The following ATP6V0A1 variants were observed in gnomAD, a reference collection of about 807,000 sequenced individuals.
ATP6V0A1 encodes ATPase H+ transporting V0 subunit a1.
A neutral mutation model predicts 105.4 loss-of-function variants in ATP6V0A1; 43 were observed. That is an observed-to-expected ratio of 0.41 (90% CI 0.32 to 0.53). The LOEUF (loss-of-function observed/expected upper bound fraction) is 0.53. Among genes scored for constraint, ATP6V0A1 ranks in the 20% least tolerant of loss-of-function variants. The pLI is 0.30. For synonymous variants in ATP6V0A1, 362 were observed against 372.8 expected (o/e 0.97, Z 0.33); for missense variants, 676 against 1,051.1 (o/e 0.64, Z 4.93).
In ATP6V0A1 at chr17:42,512,900, G is replaced by C. The variant is rs375003757; in HGVS notation, c.2131-961G>C. On this transcript the variant is annotated intron_variant, in intron 19 of 21. Coordinates refer to ENST00000343619, the MANE Select transcript of ATP6V0A1 (RefSeq NM_001130021.3). ...CAGAAGATTCTGGTCTGGGCTCTGC[G>C]GGGGGAAGCCCCATAAGGGAGCGCC... is the stretch of plus-strand genomic sequence containing the variant. Among the ~76,000 whole-genome samples the C allele has an allele frequency of 5.3e-5, 8 of 152,328 alleles. No homozygotes were observed. The South Asian group carries it at 1.7e-3, about 32-fold the overall frequency.
At chr17:42,499,502 G>T (rs2091485244) in intron 15 of ATP6V0A1, among the ~76,000 whole-genome samples, 2 of 151,362 alleles carry the variant, frequency 1.3e-5, no homozygotes, top group Non-Finnish European at 2.9e-5. Context: ...AAATTTCATG[G>T]TCTGGCCGGG....
At chr17:42,482,916 AG>A in intron 8 of ATP6V0A1, 121 bp from the exon 9 acceptor site, 1 of 433,906 alleles carries the variant, frequency 2.3e-6, no homozygotes, top group South Asian at 1.1e-4. Context: ...AAAAAAAAAA[AG>A]TGTTGACTTA....
chr17:42,459,091 G>C (rs1021050340), intron 1 of ATP6V0A1, 128 bp downstream of exon 1: 3 of 152,292 alleles, frequency 2.0e-5, no homozygotes, highest in Non-Finnish European at 2.9e-5. Context: ...TAAAATGGGG[G>C]TTCGCCCCCT....
At position 42,506,698 on chromosome 17, in the gene ATP6V0A1, G is replaced by T. The variant is rs11869136; in HGVS notation, c.2005-822G>T. ...GTGAGACTTAACTCATTTCTGCCTG[G>T]TTTTTTTTCCCAAAGAGTCTTTTTT... On this transcript the variant is annotated intron_variant, in intron 17 of 21. Coordinates refer to ENST00000343619, the MANE Select transcript of ATP6V0A1 (RefSeq NM_001130021.3). Among the ~76,000 whole-genome samples the T allele has an allele frequency of 3.4e-3, 522 of 152,140 alleles. 2 individuals carry two copies. Among genetic ancestry groups the T allele is most frequent in the Middle Eastern group, 0.01 (3 of 294 alleles).
At chr17:42,470,325 T>G in intron 5 of ATP6V0A1, 107 bp downstream of exon 5, 1 of 1,340,470 alleles carries the variant, frequency 7.5e-7, no homozygotes. Flanking sequence ...TTGGAAGCAA[T>G]GCCATTTTTG....
chr17:42,488,539 T>G (rs559807769), intron 10 of ATP6V0A1, among the ~76,000 whole-genome samples: 1 of 152,280 alleles, frequency 6.6e-6, no homozygotes, highest in Admixed American at 6.5e-5. Context: ...TGGTGCCATC[T>G]CAGCTCACTT....
intron 5 of ATP6V0A1, among the ~76,000 whole-genome samples, chr17:42,477,105 A>G (rs1156765874): frequency 6.6e-6 from 1 of 152,246 alleles, no homozygotes; most frequent in Admixed American, 6.5e-5. Context: ...CAGACTTCAC[A>G]GCATTCAAAG....
At chr17:42,480,471 G>T (rs939632542) in intron 7 of ATP6V0A1, 196 bp from the exon 8 acceptor site, 1 of 472,666 alleles carries the variant, frequency 2.1e-6, no homozygotes, top group Non-Finnish European at 3.7e-6. Context: ...AAAGATTTTT[G>T]TGAATTAGAG....
rs1161942326 is a variant in ATP6V0A1 at position 42,499,053 on chromosome 17, C to T, written c.1679+11C>T. Reference sequence around the variant, plus strand: ...TCTGTTCAACCATATGTGAGTTGTTCCATTTCTGTCATAAGAATGTGCATA... The same window carrying T: ...TCTGTTCAACCATATGTGAGTTGTTTCATTTCTGTCATAAGAATGTGCATA... On this transcript the variant is annotated intron_variant, in intron 15 of 21. Coordinates refer to ENST00000343619, the MANE Select transcript of ATP6V0A1 (RefSeq NM_001130021.3). The T allele has an allele frequency of 1.3e-6, 2 of 1,541,892 alleles. No homozygotes were observed. The highest frequency in any genetic ancestry group is 1.8e-6 in the Non-Finnish European group (2 of 1,117,694).
At chr17:42,517,109 A>G (rs1411589613) in intron 21 of ATP6V0A1, among the ~76,000 whole-genome samples, 2 of 152,116 alleles carry the variant, frequency 1.3e-5, no homozygotes, top group Non-Finnish European at 2.9e-5. Flanking sequence ...GTGAAACCCC[A>G]TCTCTACTAA....
intron 21 of ATP6V0A1, among the ~76,000 whole-genome samples, chr17:42,515,876 T>C (rs371826273): frequency 6.6e-6 from 1 of 152,238 alleles, no homozygotes; most frequent in Non-Finnish European, 1.5e-5. Context: ...GGGATATGCT[T>C]ATACTAAAAA....
chr17:42,511,847 C>T, intron 19 of ATP6V0A1, among the ~76,000 whole-genome samples: 1 of 152,060 alleles, frequency 6.6e-6, no homozygotes, highest in Non-Finnish European at 1.5e-5. Context: ...CCTGTAATCC[C>T]AGCTACTGAG....
intron 4 of ATP6V0A1, among the ~76,000 whole-genome samples, chr17:42,469,259 A>G (rs1453722722): frequency 6.6e-6 from 1 of 152,156 alleles, no homozygotes; most frequent in East Asian, 1.9e-4. Flanking sequence ...CCAAGTATAC[A>G]ATAGAATGTG....
chr17:42,492,659 T>C (rs1372863663), intron 11 of ATP6V0A1, among the ~76,000 whole-genome samples: 1 of 145,146 alleles, frequency 6.9e-6, no homozygotes, highest in East Asian at 2.0e-4. Context: ...TGAGCCGATA[T>C]TGCATTATTG....
intron 7 of ATP6V0A1, 166 bp downstream of exon 7, chr17:42,478,755 C>T (rs2089106753): frequency 1.7e-6 from 1 of 576,352 alleles, no homozygotes; most frequent in Admixed American, 4.2e-5. Flanking sequence ...TAATTCCTGT[C>T]ATATATACAT....
intron 17 of ATP6V0A1, chr17:42,502,971 A>G (rs1347834820): frequency 6.6e-6 from 1 of 152,454 alleles, no homozygotes; most frequent in African/African-American, 2.4e-5. Flanking sequence ...GGACATGTGT[A>G]CTTTTGGGAA....
At chr17:42,492,442 C>T (rs540956753) in intron 11 of ATP6V0A1, among the ~76,000 whole-genome samples, 1 of 151,372 alleles carries the variant, frequency 6.6e-6, no homozygotes, top group South Asian at 2.1e-4. Context: ...TGTGGTGGCT[C>T]ACGCCTGTAA....
intron 8 of ATP6V0A1, 106 bp downstream of exon 8, chr17:42,480,855 A>T: frequency 1.0e-6 from 1 of 959,512 alleles, no homozygotes. Flanking sequence ...CTACCTCAAC[A>T]CAGTTAATTT....
chr17:42,494,530 A>G, intron 12 of ATP6V0A1, 57 bp downstream of exon 12: 1 of 1,518,998 alleles, frequency 6.6e-7, no homozygotes, highest in South Asian at 1.2e-5. Flanking sequence ...CCAAGCATTC[A>G]TTATGAAAAT....
Sources: gnomAD v4.1 joint callset for allele counts (sites outside exome capture counted in the v4.1 genomes callset) on GRCh38, gnomAD v4.1.1 for gene constraint, MANE v1.5 for transcripts, NCBI Gene and HGNC (gene_info 2026-07-23, HGNC 2026-07-21) for gene names.